The following PPP3CA variants were observed in gnomAD, a reference collection of about 807,000 sequenced individuals.
PPP3CA encodes CAM-PRP catalytic subunit.
Under a neutral mutation model 66.5 loss-of-function variants are expected in PPP3CA, and 14 were observed. The observed-to-expected ratio is 0.21, with a 90% confidence interval of 0.14 to 0.33. The LOEUF (loss-of-function observed/expected upper bound fraction) is 0.33, where lower values mean the gene tolerates loss of function less well. PPP3CA is among the 10% of genes least tolerant of loss of function. The pLI is 1.00. For missense variants in PPP3CA, 317 were observed against 639.5 expected (o/e 0.50, Z 5.44); for synonymous variants, 232 against 226.2 (o/e 1.03, Z -0.23).
At chr4:101,294,029 C>G (rs1053314870) in intron 1 of PPP3CA, among the ~76,000 whole-genome samples, 2 of 151,912 alleles carry the variant, frequency 1.3e-5, no homozygotes, top group Non-Finnish European at 2.9e-5. Flanking sequence ...CTTAACAAAG[C>G]AATAAGGAAG....
rs530937858 is a variant in PPP3CA, at chr4:101,136,980, C to T, written c.260-27902G>A. Among the ~76,000 whole-genome samples, 75 of 152,206 alleles carry T rather than the reference C, an allele frequency of 4.9e-4. 1 individual carries two copies. The South Asian group carries it at 0.015, about 30-fold the overall frequency. On this transcript the variant is annotated intron_variant, in intron 2 of 13. Transcript: ENST00000394854. ...TTCGTGCATGAGCGGGCAATGACAACTATAAATATATCATGACTAGTGTTT... is the reference window on the plus strand; with the variant it reads ...TTCGTGCATGAGCGGGCAATGACAATTATAAATATATCATGACTAGTGTTT...
At chr4:101,226,929 G>C (rs925028) in intron 1 of PPP3CA, among the ~76,000 whole-genome samples, 100,477 of 151,436 alleles carry the variant, frequency 0.66, 34,301 homozygotes, top group Non-Finnish European at 0.74. Context: ...CATGGTTCAG[G>C]ATAATTATTT....
chr4:101,215,636 G>A (rs1180505725), intron 1 of PPP3CA, among the ~76,000 whole-genome samples: 2 of 152,022 alleles, frequency 1.3e-5, no homozygotes, highest in Non-Finnish European at 2.9e-5. Flanking sequence ...ATGTGTACCA[G>A]AGACAAGGAC....
intron 2 of PPP3CA, among the ~76,000 whole-genome samples, chr4:101,184,859 G>A (rs1166146029): frequency 6.6e-6 from 1 of 152,076 alleles, no homozygotes; most frequent in East Asian, 1.9e-4. Flanking sequence ...GCTAAACTAG[G>A]TGCTTTATTC....
chr4:101,275,296 C>T (rs1727454825), intron 1 of PPP3CA, among the ~76,000 whole-genome samples: 1 of 152,144 alleles, frequency 6.6e-6, no homozygotes, highest in Non-Finnish European at 1.5e-5. Flanking sequence ...TGTCACTTCT[C>T]ATAAAGCACC....
At chr4:101,254,890 C>T (rs933404847) in intron 1 of PPP3CA, among the ~76,000 whole-genome samples, 2 of 151,746 alleles carry the variant, frequency 1.3e-5, no homozygotes, top group African/African-American at 2.4e-5. Context: ...TGAAAGTAAA[C>T]GCTGTGTCCA....
chr4:101,186,822 G>A (rs576832695), intron 2 of PPP3CA, among the ~76,000 whole-genome samples: 2 of 152,062 alleles, frequency 1.3e-5, no homozygotes, highest in Non-Finnish European at 2.9e-5. Context: ...TTTATAAGGT[G>A]TCTATACTTC....
In PPP3CA at chr4:101,313,772, C is replaced by G. The variant is rs190008730; in HGVS notation, c.58+32967G>C. On this transcript the variant is annotated intron_variant, in intron 1 of 13. Coordinates refer to ENST00000394854, the MANE Select transcript of PPP3CA (RefSeq NM_000944.5). Reference sequence around the variant, plus strand: ...TATTATAAGCAAATGGCTAACCTGGCTTTTTTGGTAATAGAATTTTAAATG... The same window carrying G: ...TATTATAAGCAAATGGCTAACCTGGGTTTTTTGGTAATAGAATTTTAAATG... Among the ~76,000 whole-genome samples, 548 of 151,908 alleles carry G rather than the reference C, an allele frequency of 3.6e-3. 3 individuals carry two copies. Among genetic ancestry groups the G allele is most frequent in the African/African-American group, 0.013 (519 of 41,276 alleles).
intron 2 of PPP3CA, among the ~76,000 whole-genome samples, chr4:101,188,784 GAGA>G (rs1350922134): frequency 6.6e-6 from 1 of 152,108 alleles, no homozygotes; most frequent in Admixed American, 6.6e-5. Flanking sequence ...CAAAATACAG[GAGA>G]AGAATAGCTA....
intron 2 of PPP3CA, among the ~76,000 whole-genome samples, chr4:101,183,439 T>G (rs916799054): frequency 1.3e-5 from 2 of 152,160 alleles, no homozygotes; most frequent in African/African-American, 4.8e-5. Context: ...AGTCTTCAGC[T>G]GAGTGGCCAT....
chr4:101,156,984 T>C lies in PPP3CA; in HGVS notation c.259+38932A>G, dbSNP rs551213170. Among the ~76,000 whole-genome samples the C allele has an allele frequency of 2.0e-5, 3 of 152,316 alleles. No homozygotes were observed. The South Asian group carries it at 6.2e-4, about 32-fold the overall frequency. On this transcript the variant is annotated intron_variant, in intron 2 of 13. Transcript: ENST00000394854. ...GACAAAATAGGCAGGAAATACCACGTTCCCTTAGCAATCACAGATTAACAT... is the reference window on the plus strand; with the variant it reads ...GACAAAATAGGCAGGAAATACCACGCTCCCTTAGCAATCACAGATTAACAT...
rs575303804 is a variant in PPP3CA at position 101,322,197 on chromosome 4, T to A, written c.58+24542A>T. Reference sequence around the variant, plus strand: ...CAGTCTATTCGAAAATGCATGAAAATCACTACCGCTCTGGTCTAAATGTTA... The same window carrying A: ...CAGTCTATTCGAAAATGCATGAAAAACACTACCGCTCTGGTCTAAATGTTA... On this transcript the variant is annotated intron_variant, in intron 1 of 13. Coordinates refer to ENST00000394854, the MANE Select transcript of PPP3CA (RefSeq NM_000944.5). 1.6e-3 allele frequency among the ~76,000 whole-genome samples: 237 copies of A among 152,140 alleles called. 3 individuals are homozygous for A. Among genetic ancestry groups the A allele is most frequent in the African/African-American group, 5.2e-3 (217 of 41,502 alleles).
chr4:101,308,331 CT>C (rs1356664986), intron 1 of PPP3CA, among the ~76,000 whole-genome samples: 6 of 152,176 alleles, frequency 3.9e-5, no homozygotes, highest in African/African-American at 1.4e-4. Flanking sequence ...AAAGGAGAAA[CT>C]TCTCTATGAA....
At chr4:101,115,293 G>GGACA (rs1435586448) in intron 2 of PPP3CA, among the ~76,000 whole-genome samples, 1 of 151,916 alleles carries the variant, frequency 6.6e-6, no homozygotes, top group African/African-American at 2.4e-5. Flanking sequence ...AGAGGCCTTT[G>GGACA]AGAATAGAAT....
At chr4:101,298,209 C>T (rs1728255644) in intron 1 of PPP3CA, among the ~76,000 whole-genome samples, 1 of 152,032 alleles carries the variant, frequency 6.6e-6, no homozygotes, top group South Asian at 2.1e-4. Flanking sequence ...CAGATAGACT[C>T]AAGAGTCCCT....
intron 1 of PPP3CA, among the ~76,000 whole-genome samples, chr4:101,276,709 A>T (rs1011925664): frequency 6.6e-6 from 1 of 152,192 alleles, no homozygotes; most frequent in Non-Finnish European, 1.5e-5. Context: ...ATATTAAAAT[A>T]AAATATGTTG....
chr4:101,097,765 A>G (rs1008186564), intron 5 of PPP3CA, among the ~76,000 whole-genome samples: 1 of 152,166 alleles, frequency 6.6e-6, no homozygotes, highest in Non-Finnish European at 1.5e-5. Context: ...TCCACATTCA[A>G]TGTAACTCAT....
At chr4:101,326,187 T>C (rs1031173746) in intron 1 of PPP3CA, among the ~76,000 whole-genome samples, 2 of 152,140 alleles carry the variant, frequency 1.3e-5, no homozygotes, top group African/African-American at 2.4e-5. Flanking sequence ...CCATAAGTAA[T>C]CTATGGGATA....
chr4:101,315,476 A>G (rs1300127349), intron 1 of PPP3CA, among the ~76,000 whole-genome samples: 1 of 152,214 alleles, frequency 6.6e-6, no homozygotes, highest in Non-Finnish European at 1.5e-5. Context: ...TCCCCCATGC[A>G]TATTTTGCTG....
Sources: allele counts gnomAD v4.1 joint callset (sites outside exome capture counted in the v4.1 genomes callset), GRCh38; gene constraint gnomAD v4.1.1; transcripts MANE v1.5; gene names NCBI Gene and HGNC (gene_info 2026-07-23, HGNC 2026-07-21).